Variants in NFASC observed in about 807,000 individuals in gnomAD.
NFASC encodes neurofascin homolog.
In NFASC, 43 loss-of-function variants were observed where a neutral mutation model predicts 147.5. That is an observed-to-expected ratio of 0.29 (90% CI 0.23 to 0.38). The LOEUF (loss-of-function observed/expected upper bound fraction) is 0.38, where lower values mean the gene tolerates loss of function less well. Ranked by LOEUF, NFASC falls within the 10% of genes least tolerant of loss-of-function variation. The probability of loss-of-function intolerance (pLI) is 1.00; values close to 1 mark genes in which losing one functional copy is unlikely to be tolerated. For missense variants in NFASC, 1,320 were observed against 1,689.0 expected (o/e 0.78, Z 3.83); for synonymous variants, 622 against 665.5 (o/e 0.93, Z 1.01).
At chr1:204,993,409 G>C (rs141990703) in intron 24 of NFASC, among the ~76,000 whole-genome samples, 1,725 of 152,346 alleles carry the variant, frequency 0.011, 37 homozygotes, top group African/African-American at 0.04. Context: ...GTGGGCTCTT[G>C]ATAGGTGCCC....
At chr1:205,014,284 C>G (rs2096304910) in intron 29 of NFASC, among the ~76,000 whole-genome samples, 1 of 152,196 alleles carries the variant, frequency 6.6e-6, no homozygotes, top group African/African-American at 2.4e-5. Flanking sequence ...TGGGCCTGCA[C>G]CCCTACACGC....
chr1:204,918,084 G>GT (rs2089681438), intron 1 of NFASC, among the ~76,000 whole-genome samples: 1 of 152,126 alleles, frequency 6.6e-6, no homozygotes, highest in Non-Finnish European at 1.5e-5. Context: ...CTTTCAACCA[G>GT]TAAATCTTGT....
chr1:204,939,038 A>ATGTGTGTG (rs60166382), intron 2 of NFASC, among the ~76,000 whole-genome samples: 2,597 of 123,578 alleles, frequency 0.021, 85 homozygotes, highest in East Asian at 0.083. Context: ...GTATGGATGG[A>ATGTGTGTG]TGTGTGTGTG....
intron 2 of NFASC, among the ~76,000 whole-genome samples, chr1:204,924,039 C>T (rs1208565602): frequency 6.6e-6 from 1 of 152,220 alleles, no homozygotes; most frequent in African/African-American, 2.4e-5. Context: ...AGGTTTCCTC[C>T]ACACCACTGG....
chr1:204,878,362 C>T (rs757784017), intron 1 of NFASC, among the ~76,000 whole-genome samples: 13 of 152,124 alleles, frequency 8.5e-5, no homozygotes, highest in Admixed American at 4.6e-4. Context: ...ATGCAGTTTT[C>T]GCCGTTAAAA....
intron 1 of NFASC, among the ~76,000 whole-genome samples, chr1:204,842,932 T>C (rs930482730): frequency 1.1e-4 from 16 of 152,168 alleles, no homozygotes; most frequent in African/African-American, 3.4e-4. Flanking sequence ...AGCTGAGGCT[T>C]AAAGGAATGA....
At chr1:204,926,750 C>T (rs1343841996) in intron 2 of NFASC, among the ~76,000 whole-genome samples, 4 of 150,344 alleles carry the variant, frequency 2.7e-5, no homozygotes, top group Admixed American at 6.6e-5. Context: ...TATTGAGATA[C>T]AATTCATGTT....
chr1:204,976,855 A>G (rs1455182399), intron 16 of NFASC, 60 bp downstream of exon 16: 2 of 1,580,790 alleles, frequency 1.3e-6, no homozygotes, highest in Non-Finnish European at 8.6e-7. Flanking sequence ...GCAGCCAGAG[A>G]AGCAGTGGCC....
chr1:204,882,864 G>A (rs1052090445), intron 1 of NFASC, among the ~76,000 whole-genome samples: 1 of 152,060 alleles, frequency 6.6e-6, no homozygotes, highest in Admixed American at 6.6e-5. Flanking sequence ...GTGGATTTTG[G>A]TTTCTTAGGA....
In NFASC at chr1:205,015,819, G is replaced by GT. The variant is rs1437438395; in HGVS notation, c.3492-487dup. 6.6e-6 allele frequency among the ~76,000 whole-genome samples: 1 copy of GT among 152,118 alleles called. No individual in the cohort carries two copies. The highest frequency in any genetic ancestry group is 1.5e-5 in the Non-Finnish European group (1 of 68,038). On this transcript the variant is annotated intron_variant, in intron 29 of 29. Transcript: ENST00000339876. The surrounding 1 kb of genome is among the most constrained non-coding windows in gnomAD (Gnocchi z 4.0). ...GTTTGTTCCTTTAAAAGCCTTGCTTGTTGTCAAGGCGAGAGTGTTTCCCTA... is the reference window on the plus strand; with the variant it reads ...GTTTGTTCCTTTAAAAGCCTTGCTTGTTTGTCAAGGCGAGAGTGTTTCCCTA...
At chr1:204,843,338 G>T (rs1675922399) in intron 1 of NFASC, among the ~76,000 whole-genome samples, 1 of 152,180 alleles carries the variant, frequency 6.6e-6, no homozygotes, top group South Asian at 2.1e-4. Context: ...AATACAGAGA[G>T]ATCCTATGTA....
At chr1:204,902,283 C>CA (rs1484207021) in intron 1 of NFASC, among the ~76,000 whole-genome samples, 4 of 150,344 alleles carry the variant, frequency 2.7e-5, no homozygotes, top group East Asian at 1.9e-4. Context: ...TGTCTCAAAA[C>CA]AAAAAAGGGT....
chr1:204,945,619 A>G (rs1375916775), intron 3 of NFASC, among the ~76,000 whole-genome samples: 1 of 152,188 alleles, frequency 6.6e-6, no homozygotes, highest in African/African-American at 2.4e-5. Context: ...TGCCCTCCCA[A>G]TACCCCCAGG....
At chr1:204,830,582 G>A (rs1332842352) in intron 1 of NFASC, among the ~76,000 whole-genome samples, 5 of 150,224 alleles carry the variant, frequency 3.3e-5, no homozygotes, top group African/African-American at 1.2e-4. Context: ...GGTGTGTTGT[G>A]TGTGTTGTGA....
chr1:204,985,845 C>T (rs1009354042), intron 21 of NFASC: 5 of 1,036,104 alleles, frequency 4.8e-6, no homozygotes, highest in East Asian at 2.6e-5. Flanking sequence ...GTCACTACCA[C>T]CACCACTAAC....
At chr1:205,007,293 G>A (rs1355123622) in intron 27 of NFASC, among the ~76,000 whole-genome samples, 2 of 152,192 alleles carry the variant, frequency 1.3e-5, no homozygotes, top group African/African-American at 2.4e-5. Context: ...CTACTTGAGA[G>A]GCTGAGATAG....
intron 1 of NFASC, among the ~76,000 whole-genome samples, chr1:204,919,468 G>GT: frequency 6.6e-6 from 1 of 152,246 alleles, no homozygotes; most frequent in East Asian, 1.9e-4. Context: ...TCTATCATGT[G>GT]TTTTTCACTT....
intron 11 of NFASC, among the ~76,000 whole-genome samples, chr1:204,971,571 A>G (rs554922262): frequency 6.6e-6 from 1 of 152,242 alleles, no homozygotes; most frequent in East Asian, 1.9e-4. Flanking sequence ...GTAAGAATTT[A>G]CCTATTTAGA....
rs182530639 is a variant in NFASC at position 204,914,051 on chromosome 1, A to G, written c.-199-6581A>G. Among the ~76,000 whole-genome samples, 624 of 152,340 alleles carry G rather than the reference A, an allele frequency of 4.1e-3. 2 individuals are homozygous for G. Among genetic ancestry groups the G allele is most frequent in the Non-Finnish European group, 6.1e-3 (413 of 68,032 alleles). ...CAACTATGAAAAAAATTTCATGCAT[A>G]ATAAAAACACCACAAATAAAGTCAG... On this transcript the variant is annotated intron_variant, in intron 1 of 29. Transcript: ENST00000339876.
Sources: gnomAD v4.1 joint callset for allele counts (sites outside exome capture counted in the v4.1 genomes callset) on GRCh38, gnomAD v4.1.1 for gene constraint, Gnocchi (gnomAD v3.1) non-coding constraint, MANE v1.5 for transcripts, NCBI Gene and HGNC (gene_info 2026-07-23, HGNC 2026-07-21) for gene names.